Variants in ARMC2 observed in about 807,000 individuals in gnomAD.
ARMC2 encodes the protein armadillo repeat containing 2.
Under a neutral mutation model 90.3 loss-of-function variants are expected in ARMC2, and 67 were observed. The observed-to-expected ratio is 0.74, with a 90% CI of 0.61 to 0.91. The LOEUF is 0.91. Among genes scored for constraint, ARMC2 ranks in the 40% least tolerant of loss-of-function variants. ARMC2 has a pLI of 0.00. For missense variants in ARMC2, 920 were observed against 1,030.9 expected (o/e 0.89, Z 1.47); for synonymous variants, 393 against 393.0 (o/e 1.00, Z 0.00).
the ARMC2 span, among the ~76,000 whole-genome samples, chr6:108,982,875 C>A: frequency 1.0e-4 from 15 of 146,292 alleles, 1 homozygote; most frequent in South Asian, 3.3e-3. Context: ...GCATGGAGTA[C>A]GGTGGCGCGA....
chr6:108,886,883 GTTT>G (rs10712168), intron 5 of ARMC2, among the ~76,000 whole-genome samples: 2 of 146,442 alleles, frequency 1.4e-5, no homozygotes, highest in African/African-American at 5.0e-5. Context: ...GAATTTTATA[GTTT>G]TTTTTTTGTT....
chr6:108,868,852 G>A lies in ARMC2; in HGVS notation c.320G>A (p.Arg107Lys), dbSNP rs1776097078. 1.2e-6 allele frequency: 2 copies of A among 1,613,624 alleles called. No homozygotes were observed. Among genetic ancestry groups the A allele is most frequent in the Non-Finnish European group, 1.7e-6 (2 of 1,179,726 alleles). Residue 107 changes from arginine to lysine, a missense_variant, in exon 4 of 18, where the codon AGA becomes AAA. By Grantham distance (26) the Arg-to-Lys change is conservative. Transcript: ENST00000392644. ...LKPKVPASPT[R>K]EEDSCFSFPK... ...CCGAAAGTTCCAGCATCTCCCACCA[G>A]AGAGGAGGATTCCTGCTTTTCCTTT...
chr6:108,894,188 A>G (rs1771370548), intron 5 of ARMC2, among the ~76,000 whole-genome samples: 2 of 151,976 alleles, frequency 1.3e-5, no homozygotes, highest in Non-Finnish European at 1.5e-5. Flanking sequence ...ACATAGTGAG[A>G]CCCTGTCTCT....
chr6:109,026,346 A>AG, the ARMC2 span, among the ~76,000 whole-genome samples: 1 of 152,218 alleles, frequency 6.6e-6, no homozygotes, highest in Non-Finnish European at 1.5e-5. Context: ...ACAAAGAAAA[A>AG]GTTCTTTGTA....
intron 17 of ARMC2, 124 bp downstream of exon 17, chr6:108,965,264 G>C: frequency 1.2e-6 from 1 of 808,112 alleles, no homozygotes; most frequent in Non-Finnish European, 1.8e-6. Context: ...AGCAACAAGA[G>C]TATGTTAAAG....
At chr6:108,881,983 C>T (rs1206944175) in intron 5 of ARMC2, among the ~76,000 whole-genome samples, 1 of 151,844 alleles carries the variant, frequency 6.6e-6, no homozygotes, top group African/African-American at 2.4e-5. Context: ...AGATAGGAAC[C>T]AACGTGGGAC....
intron 11 of ARMC2, among the ~76,000 whole-genome samples, chr6:108,928,447 A>T (rs545072592): frequency 6.6e-6 from 1 of 152,242 alleles, no homozygotes; most frequent in South Asian, 2.1e-4. Context: ...TTCTAAACTC[A>T]TTGGTTGTTA....
chr6:109,036,298 T>G, the ARMC2 span, among the ~76,000 whole-genome samples: 1 of 152,236 alleles, frequency 6.6e-6, no homozygotes. Context: ...CTTTTGTGGG[T>G]TGGCTTTACG....
At chr6:108,971,933 A>G (rs1325293915) in intron 17 of ARMC2, among the ~76,000 whole-genome samples, 1 of 152,098 alleles carries the variant, frequency 6.6e-6, no homozygotes, top group Admixed American at 6.6e-5. Flanking sequence ...AAAAAAAAAA[A>G]AAAAAGTGTT....
At chr6:109,046,347 G>A in the ARMC2 span, among the ~76,000 whole-genome samples, 22 of 151,928 alleles carry the variant, frequency 1.4e-4, 1 homozygote, top group South Asian at 3.3e-3. Context: ...GGCCTCCCGA[G>A]GTGCCGGGAT....
the ARMC2 span, among the ~76,000 whole-genome samples, chr6:109,040,144 G>A: frequency 6.6e-6 from 1 of 152,132 alleles, no homozygotes; most frequent in Non-Finnish European, 1.5e-5. Flanking sequence ...TATTTGAATT[G>A]CTAGTCTTCA....
At chr6:109,045,337 C>T in the ARMC2 span, among the ~76,000 whole-genome samples, 1 of 152,156 alleles carries the variant, frequency 6.6e-6, no homozygotes, top group Non-Finnish European at 1.5e-5. Flanking sequence ...ATGCCTTTGC[C>T]ACCTTCTAGC....
chr6:108,858,131 C>A lies in ARMC2; in HGVS notation c.219-68C>A. On this transcript the variant is annotated intron_variant, in intron 2 of 17. Transcript: ENST00000392644. ...TTACTTGTTTTTTAGCTAGGGTTAA[C>A]TAATATATACTATAAATAAAGAAAT... 11 of 1,279,544 alleles carry A rather than the reference C, an allele frequency of 8.6e-6. No individual in the cohort carries two copies. The South Asian group carries it at 1.4e-4, about 16-fold the overall frequency. The allele number at this position is 1,279,544 out of a possible 1,614,324, so 79.3% of individuals were successfully genotyped here. A position where few individuals can be genotyped will look rare whatever the true frequency, so the allele number is the denominator to read the frequency against.
Position 108,964,094 on chromosome 6 carries a change from C to T in ARMC2, c.2153-86C>T, listed in dbSNP as rs565514134. On this transcript the variant is annotated intron_variant, in intron 15 of 17. Coordinates refer to ENST00000392644, the MANE Select transcript of ARMC2 (RefSeq NM_032131.6). Reference sequence around the variant, plus strand: ...GGGGTTCTGGGTTTGCAAGCCACTCCCCGTTTCCCCATACCATCTGTAAAA... The same window carrying T: ...GGGGTTCTGGGTTTGCAAGCCACTCTCCGTTTCCCCATACCATCTGTAAAA... 3 of 1,473,950 alleles carry T rather than the reference C, an allele frequency of 2.0e-6. No homozygotes were observed. In the African/African-American group the frequency reaches 4.2e-5, roughly 21 times the overall value. The allele number at this position is 1,473,950 out of a possible 1,614,324, so 91.3% of individuals were successfully genotyped here.
chr6:108,910,970 T>A lies in ARMC2; in HGVS notation c.1095T>A (p.Asn365Lys). Residue 365 changes from asparagine (N) to lysine (K), a missense_variant, in exon 9 of 18, where the codon AAT (asparagine) becomes AAA (lysine). Physicochemically the swap from Asn to Lys is moderately conservative, Grantham distance 94. Coordinates refer to ENST00000392644, the MANE Select transcript of ARMC2 (RefSeq NM_032131.6). The stretch of plus-strand genomic sequence containing the variant: ...TTAAAATTAGCAGGAATGAGAAGAA[T>A]GATTCTTTGATTCAAAATGACAGCA... The part of the protein sequence containing the change: ...LIFKISRNEK[N>K]DSLIQNDSIL... 6.3e-7 allele frequency: 1 copy of A among 1,582,626 alleles called. No homozygotes were observed. Among genetic ancestry groups the A allele is most frequent in the Non-Finnish European group, 8.6e-7 (1 of 1,163,984 alleles).
chr6:108,996,451 A>C, the ARMC2 span, among the ~76,000 whole-genome samples: 1 of 152,170 alleles, frequency 6.6e-6, no homozygotes, highest in Admixed American at 6.5e-5. Flanking sequence ...TCAAAGTTTA[A>C]AAAAGATCTC....
At position 108,959,714 on chromosome 6, in the gene ARMC2, C is replaced by T. The variant is rs767639064; in HGVS notation, c.1916-1858C>T. 8.6e-5 allele frequency among the ~76,000 whole-genome samples: 13 copies of T among 151,822 alleles called. 1 individual carries two copies. The South Asian group carries it at 1.9e-3, about 22-fold the overall frequency. On this transcript the variant is annotated intron_variant, in intron 13 of 17. Transcript: ENST00000392644. ...TTTATTTTTATTTTTGAGATGGGGT[C>T]TCCCTCTGTCACCCGGACTGGAGTG... is the stretch of plus-strand genomic sequence containing the variant.
At chr6:109,009,504 T>A in the ARMC2 span, 1 of 1,208,808 alleles carries the variant, frequency 8.3e-7, no homozygotes, top group Non-Finnish European at 1.0e-6. Context: ...CGGCGAGCGC[T>A]GGGCAGCCGG....
chr6:108,981,599 C>T, the ARMC2 span, among the ~76,000 whole-genome samples: 1 of 151,744 alleles, frequency 6.6e-6, no homozygotes, highest in Non-Finnish European at 1.5e-5. Flanking sequence ...TGGTTTATTT[C>T]ACTTAGCATA....
Sources: gnomAD v4.1 joint callset for allele counts (sites outside exome capture counted in the v4.1 genomes callset) on GRCh38, gnomAD v4.1.1 for gene constraint, MANE v1.5 for transcripts, NCBI Gene and HGNC (gene_info 2026-07-23, HGNC 2026-07-21) for gene names.